PEAK1: variants seen among roughly 807,000 people sequenced by gnomAD.
The protein encoded by PEAK1 is pseudopodium enriched atypical kinase 1.
In PEAK1, 54 loss-of-function variants were observed where a neutral mutation model predicts 124.7. That is an observed-to-expected ratio of 0.43 (90% confidence interval 0.35 to 0.54). The LOEUF is 0.54. Among genes scored for constraint, PEAK1 ranks in the 20% least tolerant of loss-of-function variants. The pLI, the probability that PEAK1 is intolerant of heterozygous loss-of-function variation, is 0.01. For missense variants in PEAK1, 2,046 were observed against 2,134.5 expected, an observed-to-expected ratio of 0.96 and a Z score of 0.82; for synonymous variants, 719 against 760.0, an observed-to-expected ratio of 0.95 and a Z score of 0.89.
chr15:77,145,445 T>A (rs1257631127), intron 8 of PEAK1, among the ~76,000 whole-genome samples: 2 of 139,762 alleles, frequency 1.4e-5, no homozygotes, highest in African/African-American at 5.1e-5. Flanking sequence ...TGAGATTCCA[T>A]CTCAAAAAAA....
intron 2 of PEAK1, among the ~76,000 whole-genome samples, chr15:77,338,580 T>C (rs974434510): frequency 1.3e-5 from 2 of 151,108 alleles, no homozygotes; most frequent in Non-Finnish European, 2.9e-5. Flanking sequence ...ATATTAACAA[T>C]CTAATCTCAA....
intron 1 of PEAK1, chr15:77,418,133 T>C (rs2073039964): frequency 2.0e-6 from 2 of 984,254 alleles, no homozygotes; most frequent in Non-Finnish European, 2.4e-6. Context: ...ATTGTGAAAG[T>C]TTCTGTATAC....
intron 2 of PEAK1, among the ~76,000 whole-genome samples, chr15:77,341,983 T>A (rs2066564040): frequency 6.6e-6 from 1 of 152,040 alleles, no homozygotes; most frequent in Admixed American, 6.6e-5. Flanking sequence ...ATAAATAAAA[T>A]TTAAGAAATA....
chr15:77,255,342 C>G, intron 5 of PEAK1: 1 of 972,698 alleles, frequency 1.0e-6, no homozygotes, highest in Non-Finnish European at 1.2e-6. Flanking sequence ...TGTTTGGGTT[C>G]TGACTCTCCA....
intron 5 of PEAK1, among the ~76,000 whole-genome samples, chr15:77,276,916 T>C (rs1212533344): frequency 6.6e-6 from 1 of 152,160 alleles, no homozygotes; most frequent in Non-Finnish European, 1.5e-5. Context: ...AAAGTTTCTA[T>C]ACTTTACTGG....
At chr15:77,396,168 A>G (rs747501796) in intron 1 of PEAK1, among the ~76,000 whole-genome samples, 1 of 152,116 alleles carries the variant, frequency 6.6e-6, no homozygotes, top group Non-Finnish European at 1.5e-5. Flanking sequence ...TTTAAAACCC[A>G]TTATCAAATA....
intron 9 of PEAK1, among the ~76,000 whole-genome samples, chr15:77,122,902 A>T (rs1205365252): frequency 6.6e-6 from 1 of 152,200 alleles, no homozygotes; most frequent in Non-Finnish European, 1.5e-5. Context: ...TACCAATCAT[A>T]GTTGTTCCTG....
chr15:77,288,189 G>A (rs2063024024), intron 2 of PEAK1, among the ~76,000 whole-genome samples: 1 of 152,126 alleles, frequency 6.6e-6, no homozygotes, highest in Non-Finnish European at 1.5e-5. Context: ...AAGAATAAAT[G>A]TCCAAGTATG....
chr15:77,190,190 C>T (rs1336985873), intron 6 of PEAK1, among the ~76,000 whole-genome samples: 1 of 152,036 alleles, frequency 6.6e-6, no homozygotes, highest in Non-Finnish European at 1.5e-5. Flanking sequence ...GTGAACAATA[C>T]ATACTGTAAA....
chr15:77,257,180 T>A (rs1428775389), intron 5 of PEAK1, among the ~76,000 whole-genome samples: 1 of 152,156 alleles, frequency 6.6e-6, no homozygotes, highest in African/African-American at 2.4e-5. Flanking sequence ...AGTGCCACAA[T>A]AAACATACGT....
intron 7 of PEAK1, 121 bp downstream of exon 7, chr15:77,178,669 T>C: frequency 4.4e-6 from 4 of 919,094 alleles, no homozygotes; most frequent in Admixed American, 2.7e-5. Context: ...AGATAGATGA[T>C]GGCCACAGAG....
At chr15:77,262,546 CAAG>C (rs1317210160) in intron 5 of PEAK1, among the ~76,000 whole-genome samples, 3 of 151,748 alleles carry the variant, frequency 2.0e-5, no homozygotes, top group African/African-American at 7.3e-5. Flanking sequence ...ATCAATTGAA[CAAG>C]AAGAGCTAAC....
Position 77,181,686 on chromosome 15 carries a change from C to T in PEAK1, c.241G>A (p.Asp81Asn), listed in dbSNP as rs199687057. 80 of 1,614,020 alleles carry T rather than the reference C, an allele frequency of 5.0e-5. No homozygotes were observed. Among genetic ancestry groups the T allele is most frequent in the Non-Finnish European group, 6.6e-5 (78 of 1,180,024 alleles). ...IAVKPTMIVA[D>N]GQSICGELSI... Reference sequence around the variant, plus strand: ...AGCTCACCACATATACTTTGCCCATCTGCCACTATCATAGTGGGCTTCACA... The same window carrying T: ...AGCTCACCACATATACTTTGCCCATTTGCCACTATCATAGTGGGCTTCACA... Residue 81 changes from aspartate to asparagine, a missense_variant, in exon 7 of 10, where the codon GAT (aspartate) becomes AAT (asparagine). By Grantham distance (23) the Asp-to-Asn change is conservative (BLOSUM62 1). Coordinates refer to ENST00000682557, the MANE Select transcript of PEAK1 (RefSeq NM_001385026.1).
rs79566479 is a variant in PEAK1 at position 77,404,579 on chromosome 15, G to C, written c.-666+15427C>G. On this transcript the variant is annotated intron_variant, in intron 1 of 9. Coordinates refer to ENST00000682557, the MANE Select transcript of PEAK1 (RefSeq NM_001385026.1). Reference sequence around the variant, plus strand: ...TTTAAATGTGGCTACTAGAAAATTTGAAACTACATATGTGGTTTGCACTAT... The same window carrying C: ...TTTAAATGTGGCTACTAGAAAATTTCAAACTACATATGTGGTTTGCACTAT... 1,534 of 846,684 alleles carry C rather than the reference G, an allele frequency of 1.8e-3. 21 individuals carry two copies. The African/African-American group carries it at 0.026, about 14-fold the overall frequency. The allele number at this position is 846,684 out of a possible 1,614,324, so 52.4% of individuals were successfully genotyped here.
At chr15:77,294,251 G>C (rs181371056) in intron 2 of PEAK1, among the ~76,000 whole-genome samples, 15 of 152,188 alleles carry the variant, frequency 9.9e-5, no homozygotes, top group African/African-American at 2.9e-4. Context: ...TGTGTCTACT[G>C]AATGTATGAG....
intron 2 of PEAK1, chr15:77,350,997 T>G (rs538947106): frequency 4.2e-6 from 4 of 950,498 alleles, no homozygotes; most frequent in Non-Finnish European, 5.0e-6. Context: ...TATTGTGTAC[T>G]AGGCACTATT....
At chr15:77,353,174 G>GT (rs1202252387) in intron 2 of PEAK1, among the ~76,000 whole-genome samples, 1 of 152,180 alleles carries the variant, frequency 6.6e-6, no homozygotes, top group African/African-American at 2.4e-5. Flanking sequence ...GGCATTCCAA[G>GT]TATCGATCGT....
chr15:77,268,958 A>C (rs2061881745), intron 5 of PEAK1, among the ~76,000 whole-genome samples: 2 of 152,132 alleles, frequency 1.3e-5, no homozygotes, highest in Admixed American at 6.6e-5. Context: ...TCAGACAAAC[A>C]AATGCTGAAA....
downstream of PEAK1, chr15:77,107,628 T>A (rs2050769501): frequency 6.6e-6 from 1 of 152,258 alleles, no homozygotes; most frequent in Non-Finnish European, 1.5e-5. Flanking sequence ...CCAGGAGGCC[T>A]CCTCTGCGCT....
Sources: gnomAD v4.1 joint callset for allele counts (sites outside exome capture counted in the v4.1 genomes callset) on GRCh38, gnomAD v4.1.1 for gene constraint, MANE v1.5 for transcripts, NCBI Gene and HGNC (gene_info 2026-07-23, HGNC 2026-07-21) for gene names.